The following SOS1 variants were observed in gnomAD, a reference collection of about 807,000 sequenced individuals.
SOS1 encodes the protein son of sevenless homolog 1.
Under a neutral mutation model 157.6 loss-of-function variants are expected in SOS1, and 25 were observed. That is an observed-to-expected ratio of 0.16 (90% confidence interval 0.12 to 0.22). The LOEUF is 0.22. SOS1 is among the 10% of genes least tolerant of loss of function. SOS1 has a pLI of 1.00. For missense variants in SOS1, 1,237 were observed against 1,599.1 expected (o/e 0.77, Z 3.86); for synonymous variants, 528 against 534.0 (o/e 0.99, Z 0.16).
chr2:39,016,410 A>G (rs1006881541), intron 10 of SOS1, among the ~76,000 whole-genome samples: 1 of 152,134 alleles, frequency 6.6e-6, no homozygotes, highest in African/African-American at 2.4e-5. Context: ...TCAGTTACAG[A>G]GTTCCTCAAA....
intron 12 of SOS1, 22 bp downstream of exon 12, chr2:39,013,845 A>G: frequency 6.2e-7 from 1 of 1,602,228 alleles, no homozygotes; most frequent in Non-Finnish European, 8.5e-7. Context: ...AGACTTATTT[A>G]CTTCATTTAT....
intron 17 of SOS1, among the ~76,000 whole-genome samples, chr2:39,001,914 A>G (rs988095778): frequency 6.6e-6 from 1 of 152,252 alleles, no homozygotes; most frequent in Non-Finnish European, 1.5e-5. Context: ...TTGTGTGCCT[A>G]TCAAACTACC....
intron 1 of SOS1, among the ~76,000 whole-genome samples, chr2:39,075,274 TGG>T (rs1298801241): frequency 6.6e-6 from 1 of 151,908 alleles, no homozygotes. Flanking sequence ...TTTTGGGTGG[TGG>T]GGGCAGCAAC....
intron 19 of SOS1, among the ~76,000 whole-genome samples, chr2:38,996,341 C>T (rs949799819): frequency 2.6e-5 from 4 of 152,226 alleles, no homozygotes; most frequent in Non-Finnish European, 5.9e-5. Context: ...CCACCCGCCT[C>T]AGCTTCCCAA....
chr2:39,122,831 A>C (rs960978195), upstream of SOS1, among the ~76,000 whole-genome samples: 1 of 151,864 alleles, frequency 6.6e-6, no homozygotes, highest in African/African-American at 2.4e-5. Context: ...AGCCTGAGCC[A>C]CCGCGCCCGG....
At chr2:39,092,512 C>G (rs1379209587) in intron 1 of SOS1, among the ~76,000 whole-genome samples, 1 of 152,176 alleles carries the variant, frequency 6.6e-6, no homozygotes, top group Non-Finnish European at 1.5e-5. Context: ...ATCACAACCT[C>G]CTTTATTTTC....
intron 1 of SOS1, among the ~76,000 whole-genome samples, chr2:39,081,946 A>G (rs147881626): frequency 7.1e-4 from 108 of 152,328 alleles, no homozygotes; most frequent in African/African-American, 2.5e-3. Flanking sequence ...ATAGGTGCAT[A>G]TATTTATGGG....
chr2:39,014,683 C>T, intron 11 of SOS1, 82 bp downstream of exon 11: 1 of 727,684 alleles, frequency 1.4e-6, no homozygotes, highest in East Asian at 2.7e-5. Flanking sequence ...TAAAGCTCAT[C>T]TAACATTTCT....
chr2:39,016,769 A>G (rs550531496), intron 10 of SOS1, among the ~76,000 whole-genome samples: 2 of 152,230 alleles, frequency 1.3e-5, no homozygotes, highest in South Asian at 4.1e-4. Context: ...ACTCACCTCC[A>G]TATTTTCTCA....
intron 1 of SOS1, among the ~76,000 whole-genome samples, chr2:39,094,647 G>C (rs297146): frequency 0.93 from 141,637 of 151,806 alleles, 66,177 homozygotes; most frequent in African/African-American, 0.97. Context: ...AGCAAGACTC[G>C]GTCTCAAATA....
intron 14 of SOS1, 58 bp downstream of exon 14, chr2:39,012,068 C>T: frequency 8.0e-7 from 1 of 1,247,856 alleles, no homozygotes; most frequent in Non-Finnish European, 1.2e-6. Context: ...ATCAGTATTT[C>T]ATTTTAAAAG....
In SOS1 at chr2:39,049,109, G is replaced by A. The variant is rs183678957; in HGVS notation, c.864+2035C>T. On this transcript the variant is annotated intron_variant, in intron 6 of 22. Transcript: ENST00000402219. ...ATTTTTGTATTTTTAGTGGAGATGG[G>A]GTTTCACCATATTGGCCAGGCTGGT... Among the ~76,000 whole-genome samples the A allele has an allele frequency of 5.8e-4, 89 of 152,156 alleles. 1 individual carries two copies. Among genetic ancestry groups the A allele is most frequent in the African/African-American group, 2.0e-3 (82 of 41,520 alleles).
At chr2:39,011,534 G>A (rs1669473532) in intron 14 of SOS1, among the ~76,000 whole-genome samples, 1 of 151,824 alleles carries the variant, frequency 6.6e-6, no homozygotes, top group Admixed American at 6.6e-5. Flanking sequence ...ATTTTCAGTG[G>A]GAGATCTATA....
chr2:39,011,685 T>G (rs1020325336), intron 14 of SOS1, among the ~76,000 whole-genome samples: 5 of 152,150 alleles, frequency 3.3e-5, no homozygotes, highest in African/African-American at 1.2e-4. Flanking sequence ...TGGCTGTAAG[T>G]TCACAATAAA....
intron 17 of SOS1, among the ~76,000 whole-genome samples, chr2:39,003,400 G>C (rs919234602): frequency 7.9e-5 from 12 of 152,104 alleles, no homozygotes; most frequent in Non-Finnish European, 1.6e-4. Context: ...CGCTAAAACT[G>C]AGTTTCAAAC....
At chr2:39,095,029 TC>T (rs1384856949) in intron 1 of SOS1, among the ~76,000 whole-genome samples, 4 of 152,080 alleles carry the variant, frequency 2.6e-5, no homozygotes, top group African/African-American at 7.2e-5. Context: ...GGGGGTGGTG[TC>T]CTCAGTCTCC....
chr2:39,117,936 G>A (rs1167118729), intron 1 of SOS1, among the ~76,000 whole-genome samples: 2 of 152,182 alleles, frequency 1.3e-5, no homozygotes, highest in African/African-American at 4.8e-5. Context: ...GAGGAGAGAA[G>A]TGATAGTTTT....
chr2:39,019,535 A>G (rs577640968), intron 10 of SOS1, among the ~76,000 whole-genome samples: 2 of 151,834 alleles, frequency 1.3e-5, no homozygotes, highest in South Asian at 2.1e-4. Context: ...CAAAGTTCTG[A>G]TATAGTCAGC....
chr2:39,028,041 G>C (rs1174719726), intron 8 of SOS1, among the ~76,000 whole-genome samples: 1 of 152,094 alleles, frequency 6.6e-6, no homozygotes, highest in Admixed American at 6.6e-5. Flanking sequence ...ATGTTGGCCA[G>C]GCTGGTCTCG....
Sources: gnomAD v4.1 joint callset for allele counts (sites outside exome capture counted in the v4.1 genomes callset) on GRCh38, gnomAD v4.1.1 for gene constraint, MANE v1.5 for transcripts, NCBI Gene and HGNC (gene_info 2026-07-23, HGNC 2026-07-21) for gene names.